Variants in CNTNAP2 observed in about 807,000 individuals in gnomAD.
The protein encoded by CNTNAP2 is contactin associated protein 2.
A neutral mutation model predicts 155.2 loss-of-function variants in CNTNAP2; 98 were observed. The ratio of observed to expected loss-of-function variants is 0.63; its 90% CI spans 0.54 to 0.75. CNTNAP2 has a LOEUF of 0.75. CNTNAP2 is among the 30% of genes least tolerant of loss of function. The probability of loss-of-function intolerance (pLI) is 0.00; values close to 1 mark genes in which losing one functional copy is unlikely to be tolerated. For synonymous variants in CNTNAP2, 651 were observed against 631.2 expected (o/e 1.03, Z -0.47); for missense variants, 1,727 against 1,688.1 (o/e 1.02, Z -0.40).
At chr7:147,606,652 C>A (rs1801069438) in intron 12 of CNTNAP2, among the ~76,000 whole-genome samples, 1 of 152,112 alleles carries the variant, frequency 6.6e-6, no homozygotes, top group African/African-American at 2.4e-5. Context: ...CCCATAGGGA[C>A]CTTAACAGAG....
chr7:147,453,434 T>C (rs1797867565), intron 10 of CNTNAP2, among the ~76,000 whole-genome samples: 1 of 152,142 alleles, frequency 6.6e-6, no homozygotes, highest in Non-Finnish European at 1.5e-5. Context: ...TACGGTGTGA[T>C]CTCCTTGAGT....
At chr7:147,129,599 G>A (rs1801309547) in intron 7 of CNTNAP2, among the ~76,000 whole-genome samples, 1 of 152,106 alleles carries the variant, frequency 6.6e-6, no homozygotes, top group African/African-American at 2.4e-5. Flanking sequence ...AGGCTATTTG[G>A]GAGAGCTTAG....
chr7:147,641,065 G>A (rs1795267635), intron 13 of CNTNAP2, among the ~76,000 whole-genome samples: 1 of 152,226 alleles, frequency 6.6e-6, no homozygotes, highest in Non-Finnish European at 1.5e-5. Context: ...GAATCGCCAT[G>A]TTTGGGTGGA....
chr7:146,336,118 G>A (rs754856238), intron 1 of CNTNAP2, among the ~76,000 whole-genome samples: 20 of 151,402 alleles, frequency 1.3e-4, no homozygotes, highest in Non-Finnish European at 2.4e-4. Flanking sequence ...AGAATTCCTT[G>A]AACCTGGGAG....
intron 13 of CNTNAP2, among the ~76,000 whole-genome samples, chr7:147,773,064 A>G (rs1395292091): frequency 6.6e-6 from 1 of 152,168 alleles, no homozygotes; most frequent in Non-Finnish European, 1.5e-5. Context: ...TTATATCTTA[A>G]TCATATATGA....
intron 21 of CNTNAP2, among the ~76,000 whole-genome samples, chr7:148,374,899 C>A (rs998959504): frequency 2.6e-5 from 4 of 152,126 alleles, no homozygotes; most frequent in Admixed American, 6.5e-5. Flanking sequence ...ATCATAGCAC[C>A]CAGCTCTGTG....
intron 1 of CNTNAP2, among the ~76,000 whole-genome samples, chr7:146,331,252 C>A (rs1374922996): frequency 3.4e-5 from 5 of 147,664 alleles, no homozygotes; most frequent in Admixed American, 1.4e-4. Flanking sequence ...TGCAGTGAGC[C>A]GAGATCGCGC....
intron 13 of CNTNAP2, among the ~76,000 whole-genome samples, chr7:147,805,947 G>A (rs987554534): frequency 6.6e-6 from 1 of 152,124 alleles, no homozygotes; most frequent in Non-Finnish European, 1.5e-5. Context: ...CTGGACAAAG[G>A]TTTCTTGAGT....
At chr7:147,001,965 A>G (rs1453254809) in intron 3 of CNTNAP2, among the ~76,000 whole-genome samples, 2 of 151,996 alleles carry the variant, frequency 1.3e-5, no homozygotes, top group African/African-American at 2.4e-5. Context: ...TAAATTAAAA[A>G]TGTAATAGGA....
chr7:146,742,208 C>A (rs1801730367), intron 1 of CNTNAP2, among the ~76,000 whole-genome samples: 1 of 151,842 alleles, frequency 6.6e-6, no homozygotes, highest in Non-Finnish European at 1.5e-5. Flanking sequence ...TTTATTTCTT[C>A]ATAAACTAAA....
chr7:147,215,689 T>C (rs1399633220), intron 8 of CNTNAP2, among the ~76,000 whole-genome samples: 2 of 152,194 alleles, frequency 1.3e-5, no homozygotes, highest in Non-Finnish European at 2.9e-5. Flanking sequence ...TGTTTTCAAC[T>C]CTTTTGGGTA....
chr7:146,358,633 G>T (rs777342646), intron 1 of CNTNAP2, among the ~76,000 whole-genome samples: 1 of 152,184 alleles, frequency 6.6e-6, no homozygotes, highest in Non-Finnish European at 1.5e-5. Context: ...ATAACAGCAA[G>T]CTAAAGATTG....
chr7:147,701,685 T>C (rs897749717), intron 13 of CNTNAP2, among the ~76,000 whole-genome samples: 8 of 152,186 alleles, frequency 5.3e-5, no homozygotes, highest in African/African-American at 9.6e-5. Context: ...CTTTTAGTTA[T>C]GAGCATTTAG....
At chr7:146,901,625 A>C (rs1027663165) in intron 3 of CNTNAP2, among the ~76,000 whole-genome samples, 2 of 152,206 alleles carry the variant, frequency 1.3e-5, no homozygotes, top group African/African-American at 4.8e-5. Context: ...GCAGTAGGAA[A>C]AACTTAAATA....
intron 13 of CNTNAP2, among the ~76,000 whole-genome samples, chr7:147,880,894 T>TGTGTGTGTGTG (rs1563122073): frequency 1.0e-5 from 1 of 97,804 alleles, no homozygotes; most frequent in African/African-American, 4.9e-5. Flanking sequence ...TGTGTGTGTG[T>TGTGTGTGTGTG]TTCCAAGTAA....
At chr7:146,997,730 C>A (rs1442654446) in intron 3 of CNTNAP2, among the ~76,000 whole-genome samples, 1 of 151,970 alleles carries the variant, frequency 6.6e-6, no homozygotes, top group South Asian at 2.1e-4. Flanking sequence ...TCTCCTTATT[C>A]AATATTGGTC....
At chr7:146,463,479 C>T (rs554753035) in intron 1 of CNTNAP2, among the ~76,000 whole-genome samples, 40 of 151,918 alleles carry the variant, frequency 2.6e-4, no homozygotes, top group Non-Finnish European at 5.1e-4. Context: ...CTGTTAACCA[C>T]GTGTCAGGAA....
At chr7:146,658,100 G>A (rs543372083) in intron 1 of CNTNAP2, among the ~76,000 whole-genome samples, 1 of 152,180 alleles carries the variant, frequency 6.6e-6, no homozygotes, top group Non-Finnish European at 1.5e-5. Flanking sequence ...CGTGTAAGGG[G>A]GTAATGAAGT....
At chr7:147,129,550 C>T (rs979638980) in intron 7 of CNTNAP2, among the ~76,000 whole-genome samples, 1 of 152,132 alleles carries the variant, frequency 6.6e-6, no homozygotes, top group Non-Finnish European at 1.5e-5. Flanking sequence ...TGAGAGTTCC[C>T]TATGGCTCTG....
Sources: gnomAD v4.1 joint callset for allele counts (sites outside exome capture counted in the v4.1 genomes callset) on GRCh38, gnomAD v4.1.1 for gene constraint, MANE v1.5 for transcripts, NCBI Gene and HGNC (gene_info 2026-07-23, HGNC 2026-07-21) for gene names.